CDKL5: variants seen among roughly 807,000 people sequenced by gnomAD.
The protein encoded by CDKL5 is cyclin-dependent kinase-like 5.
CDKL5 carries 8 observed loss-of-function variants against 61.7 expected under a neutral mutation model. The observed-to-expected ratio is 0.13, with a 90% CI of 0.08 to 0.23. The LOEUF (loss-of-function observed/expected upper bound fraction) is 0.23. Ranked by LOEUF, CDKL5 falls within the 10% of genes least tolerant of loss-of-function variation. The pLI, the probability that CDKL5 is intolerant of heterozygous loss-of-function variation, is 1.00. For missense variants in CDKL5, 440 were observed against 734.5 expected (o/e 0.60, Z 4.63); for synonymous variants, 275 against 272.3 (o/e 1.01, Z -0.10).
At chrX:18,621,415 A>G (rs1926885105) in intron 16 of CDKL5, among the ~76,000 whole-genome samples, 1 of 112,021 alleles carries the variant, frequency 8.9e-6, no homozygotes, top group South Asian at 3.7e-4. Context: ...AGTTCATTAT[A>G]GAAAATTTGA....
intron 3 of CDKL5, among the ~76,000 whole-genome samples, chrX:18,554,932 A>G (rs1026573342): frequency 1.8e-5 from 2 of 111,259 alleles, no homozygotes; most frequent in Non-Finnish European, 3.8e-5. Context: ...ACAAGTGATC[A>G]TTCTCAAATT....
intron 8 of CDKL5, chrX:18,587,656 A>T (rs1925683851): frequency 3.5e-6 from 1 of 281,887 alleles, no homozygotes; most frequent in African/African-American, 2.7e-5. Context: ...CTTGCCAGAT[A>T]TGTATACTGT....
chrX:18,628,553 C>G lies in CDKL5; in HGVS notation c.2679C>G (p.Pro893=), dbSNP rs777919249. 11 of 1,210,199 alleles carry G rather than the reference C, an allele frequency of 9.1e-6. No individual in the cohort carries two copies. Among genetic ancestry groups the G allele is most frequent in the Non-Finnish European group, 1.2e-5 (11 of 895,200 alleles). ...SGGSSNIRQE[P]APKGRPALQL... ...GGAGCAGCAACATCCGGCAGGAACC[C>G]GCACCGAAGGGCAGGCCAGCCCTCC... The change falls in exon 18 of 18, where the codon CCC becomes CCG. Residue 893 remains proline (P), a synonymous_variant. Coordinates refer to ENST00000623535, the MANE Select transcript of CDKL5 (RefSeq NM_001323289.2).
chrX:18,468,494 G>A (rs1920984166), intron 1 of CDKL5, among the ~76,000 whole-genome samples: 1 of 112,004 alleles, frequency 8.9e-6, no homozygotes, highest in African/African-American at 3.2e-5. Context: ...ACCATTTTGT[G>A]GGTAGGGATC....
At chrX:18,570,605 T>TG (rs1925106327) in intron 4 of CDKL5, among the ~76,000 whole-genome samples, 1 of 111,304 alleles carries the variant, frequency 9.0e-6, no homozygotes, top group African/African-American at 3.3e-5. Context: ...CCATTTGGGG[T>TG]GGGGGGCTCT....
intron 3 of CDKL5, among the ~76,000 whole-genome samples, chrX:18,546,258 CTTTTTTTTTTT>C (rs935420091): frequency 1.1e-5 from 1 of 90,524 alleles, no homozygotes; most frequent in Non-Finnish European, 2.2e-5. Context: ...TCTACTTCTT[CTTTTTTTTTTT>C]TTTTTTTTTG....
intron 3 of CDKL5, among the ~76,000 whole-genome samples, chrX:18,512,970 A>C (rs1298865673): frequency 9.0e-6 from 1 of 111,615 alleles, no homozygotes; most frequent in Admixed American, 9.5e-5. Context: ...TCTTACTTCT[A>C]ATCTTGGGTT....
At chrX:18,439,006 G>A (rs1346781005) in intron 1 of CDKL5, among the ~76,000 whole-genome samples, 2 of 102,947 alleles carry the variant, frequency 1.9e-5, no homozygotes, top group East Asian at 6.4e-4. Context: ...CATAGGAAGT[G>A]CTCAATAAAC....
rs1043383148 is a variant in CDKL5 at position 18,570,419 on chromosome X, T to A, written c.146-4935T>A. ...TTCTTCATCTCTAAAGATTGGAGGG[T>A]CCTCATCTTTCTTGGTGTATGTAAC... On this transcript the variant is annotated intron_variant, in intron 4 of 17. Transcript: ENST00000623535. Among the ~76,000 whole-genome samples, 12 of 111,653 alleles carry A rather than the reference T, an allele frequency of 1.1e-4. No homozygotes were observed. The Admixed American group carries it at 1.1e-3, about 11-fold the overall frequency.
At chrX:18,485,037 A>G (rs1921741681) in intron 1 of CDKL5, among the ~76,000 whole-genome samples, 2 of 109,591 alleles carry the variant, frequency 1.8e-5, no homozygotes, top group African/African-American at 3.3e-5. Flanking sequence ...CTCCATCTCT[A>G]TTCCCAGTTT....
At chrX:18,605,962 T>A (rs759591247) in intron 12 of CDKL5, among the ~76,000 whole-genome samples, 26 of 112,053 alleles carry the variant, frequency 2.3e-4, no homozygotes, top group Non-Finnish European at 4.7e-4. Flanking sequence ...GGCAGGCAGA[T>A]CACGAGGTCA....
At chrX:18,487,496 G>A (rs947558717) in intron 1 of CDKL5, among the ~76,000 whole-genome samples, 2 of 112,764 alleles carry the variant, frequency 1.8e-5, no homozygotes, top group Non-Finnish European at 3.8e-5. Flanking sequence ...ACAAAGCCTC[G>A]CTGTGTTGCC....
intron 1 of CDKL5, among the ~76,000 whole-genome samples, chrX:18,464,639 A>G (rs1252989735): frequency 1.8e-5 from 2 of 111,815 alleles, no homozygotes; most frequent in East Asian, 2.8e-4. Flanking sequence ...GGAGATATTC[A>G]GTGAATTATC....
chrX:18,447,051 G>T (rs1931895916), intron 1 of CDKL5, among the ~76,000 whole-genome samples: 1 of 111,564 alleles, frequency 9.0e-6, no homozygotes, highest in African/African-American at 3.3e-5. Flanking sequence ...TGTCCACTTG[G>T]GGAGGAGGGG....
At chrX:18,470,607 TG>T (rs765454962) in intron 1 of CDKL5, among the ~76,000 whole-genome samples, 1 of 111,009 alleles carries the variant, frequency 9.0e-6, no homozygotes, top group Admixed American at 9.7e-5. Context: ...GGAACTTATA[TG>T]GTAATCAGAC....
In CDKL5 at chrX:18,546,258, CTTT is replaced by C. The variant is rs935420091; in HGVS notation, c.100-18201_100-18199del. Among the ~76,000 whole-genome samples the C allele has an allele frequency of 3.7e-3, 338 of 90,472 alleles. No homozygotes were observed. The Middle Eastern group carries it at 0.04, about 11-fold the overall frequency. The allele number at this position is 90,472 out of a possible 115,157, so 78.6% of individuals were successfully genotyped here. ...TTAAGTTACATATCTTCTACTTCTT[CTTT>C]TTTTTTTTTTTTTTTTTGAGACAGA... is the stretch of plus-strand genomic sequence containing the variant. On this transcript the variant is annotated intron_variant, in intron 3 of 17. Transcript: ENST00000623535.
chrX:18,552,237 C>CAAA (rs777290725), intron 3 of CDKL5, among the ~76,000 whole-genome samples: 3 of 38,772 alleles, frequency 7.7e-5, no homozygotes, highest in Non-Finnish European at 9.9e-5. Context: ...GACTCCGTCT[C>CAAA]AAAAAAAAAA....
chrX:18,507,286 T>C, intron 2 of CDKL5, 126 bp downstream of exon 2: 1 of 458,516 alleles, frequency 2.2e-6, no homozygotes, highest in South Asian at 3.9e-5. Context: ...TGTCTAAGAG[T>C]AAAATATTAA....
intron 17 of CDKL5, among the ~76,000 whole-genome samples, chrX:18,626,615 G>A (rs1449628555): frequency 9.8e-6 from 1 of 101,749 alleles, no homozygotes; most frequent in African/African-American, 3.7e-5. Flanking sequence ...AAAGAATAGA[G>A]AGCTTTAGAA....
Sources: allele counts gnomAD v4.1 joint callset (sites outside exome capture counted in the v4.1 genomes callset), GRCh38; gene constraint gnomAD v4.1.1; transcripts MANE v1.5; gene names NCBI Gene and HGNC (gene_info 2026-07-23, HGNC 2026-07-21).